Variants in KPNA7 observed in about 807,000 individuals in gnomAD.
KPNA7 encodes the protein karyopherin subunit alpha 7.
A neutral mutation model predicts 53.7 loss-of-function variants in KPNA7; 54 were observed. That is an observed-to-expected ratio of 1.01 (90% CI 0.81 to 1.26). The LOEUF (loss-of-function observed/expected upper bound fraction) is 1.26. Ranked by LOEUF, KPNA7 falls within the 50% of genes most tolerant of loss-of-function variation. The pLI is 0.00. For missense variants in KPNA7, 640 were observed against 644.5 expected, an observed-to-expected ratio of 0.99 and a Z score of 0.07; for synonymous variants, 276 against 259.3, an observed-to-expected ratio of 1.06 and a Z score of -0.62.
At chr7:99,218,394 A>G (rs1465253902) in intron 1 of KPNA7, among the ~76,000 whole-genome samples, 6 of 151,944 alleles carry the variant, frequency 3.9e-5, no homozygotes. Flanking sequence ...CAGGCCCTCT[A>G]CCTGTGAAAG....
At chr7:99,150,766 G>A in the KPNA7 span, among the ~76,000 whole-genome samples, 1 of 152,070 alleles carries the variant, frequency 6.6e-6, no homozygotes, top group African/African-American at 2.4e-5. Flanking sequence ...CCCAGCTCTT[G>A]CAAATATTCA....
chr7:99,171,054 TA>T (rs201186897), downstream of KPNA7, among the ~76,000 whole-genome samples: 2 of 151,338 alleles, frequency 1.3e-5, no homozygotes, highest in Non-Finnish European at 1.5e-5. Flanking sequence ...TCTCTACTAA[TA>T]AAAAAAATAC....
At chr7:99,196,014 G>GCGCTCCAGCCATCACTGA in intron 4 of KPNA7, 70 bp downstream of exon 4, 1 of 1,288,452 alleles carries the variant, frequency 7.8e-7, no homozygotes, top group Non-Finnish European at 1.1e-6. Flanking sequence ...TAGGCCACCG[G>GCGCTCCAGCCATCACTGA]CGCTCCAGCC....
chr7:99,188,174 C>CAA (rs59219718), intron 7 of KPNA7, 126 bp downstream of exon 7: 9,748 of 382,918 alleles, frequency 0.025, 38 homozygotes, highest in South Asian at 0.06. Flanking sequence ...GACTCTGTCT[C>CAA]AAAAAAAAAA....
upstream of KPNA7, among the ~76,000 whole-genome samples, chr7:99,210,150 CT>C (rs1349067364): frequency 6.6e-6 from 1 of 152,220 alleles, no homozygotes; most frequent in East Asian, 1.9e-4. Flanking sequence ...TCCAACAACT[CT>C]TTCCTTGATC....
chr7:99,209,231 G>T (rs528269911), upstream of KPNA7, among the ~76,000 whole-genome samples: 1 of 152,120 alleles, frequency 6.6e-6, no homozygotes, highest in East Asian at 1.9e-4. Context: ...GTGGTGAGGA[G>T]ACCCGCCAAG....
At chr7:99,198,423 A>G (rs1425963175) in intron 3 of KPNA7, among the ~76,000 whole-genome samples, 1 of 152,176 alleles carries the variant, frequency 6.6e-6, no homozygotes, top group African/African-American at 2.4e-5. Context: ...TATGGTCAAC[A>G]TATTGGTCAT....
the KPNA7 span, among the ~76,000 whole-genome samples, chr7:99,156,247 G>T: frequency 6.6e-6 from 1 of 152,064 alleles, no homozygotes; most frequent in Non-Finnish European, 1.5e-5. Flanking sequence ...TGGCTATGTG[G>T]TTCTAAATAA....
At chr7:99,159,035 G>A in the KPNA7 span, among the ~76,000 whole-genome samples, 11 of 151,810 alleles carry the variant, frequency 7.2e-5, no homozygotes, top group African/African-American at 2.7e-4. Flanking sequence ...CGGCTAACTT[G>A]TGTATTTTTA....
At chr7:99,174,977 A>G (rs1165886688) in intron 10 of KPNA7, among the ~76,000 whole-genome samples, 1 of 151,552 alleles carries the variant, frequency 6.6e-6, no homozygotes, top group Non-Finnish European at 1.5e-5. Flanking sequence ...CACCCAGCTA[A>G]TTTTTGTATT....
chr7:99,173,799 AG>A lies in KPNA7; in HGVS notation c.1465-6del. 1 of 1,500,164 alleles carries A rather than the reference AG, an allele frequency of 6.7e-7. No individual in the cohort carries two copies. The highest frequency in any genetic ancestry group is 9.1e-7 in the Non-Finnish European group (1 of 1,099,976). 92.9% of individuals were successfully genotyped at this position (1,500,164 alleles called of 1,614,324 possible). On this transcript the variant is annotated splice_region_variant and splice_polypyrimidine_tract_variant and intron_variant, in intron 10 of 10. Coordinates refer to ENST00000327442, the MANE Select transcript of KPNA7 (RefSeq NM_001145715.3). ...AGTTTGGCTCTCATCTTCTTCCTTC[AG>A]GAGAGAATAGACACTGTTATACCTC...
chr7:99,210,887 C>A (rs1791051533), upstream of KPNA7, among the ~76,000 whole-genome samples: 1 of 151,796 alleles, frequency 6.6e-6, no homozygotes, highest in South Asian at 2.1e-4. Context: ...CACCTGGCCC[C>A]AACTTTGAAT....
At chr7:99,188,249 A>G (rs1204470669) in intron 7 of KPNA7, 51 bp downstream of exon 7, 1 of 1,531,950 alleles carries the variant, frequency 6.5e-7, no homozygotes, top group African/African-American at 1.4e-5. Flanking sequence ...AACCTGCTAA[A>G]GTGACTATGA....
At chr7:99,209,083 C>T (rs980061837), upstream of KPNA7, among the ~76,000 whole-genome samples, 6 of 151,994 alleles carry the variant, frequency 3.9e-5, no homozygotes, top group South Asian at 2.1e-4. Flanking sequence ...ATCCGGGAGG[C>T]GGAGGTTGCA....
downstream of KPNA7, among the ~76,000 whole-genome samples, chr7:99,168,953 G>A (rs980900802): frequency 2.6e-5 from 4 of 152,104 alleles, no homozygotes; most frequent in East Asian, 3.9e-4. Flanking sequence ...TGGAGGCCAA[G>A]CCAAGGTGGG....
At chr7:99,205,283 C>G (rs373861589) in intron 2 of KPNA7, among the ~76,000 whole-genome samples, 1 of 148,206 alleles carries the variant, frequency 6.7e-6, no homozygotes, top group African/African-American at 2.5e-5. Flanking sequence ...AAAAATTAGC[C>G]GGGCATGGTG....
At chr7:99,146,266 G>T in the KPNA7 span, among the ~76,000 whole-genome samples, 1 of 152,064 alleles carries the variant, frequency 6.6e-6, no homozygotes, top group Non-Finnish European at 1.5e-5. Context: ...GTTCTTCGTT[G>T]GCTTGACTGT....
the KPNA7 span, among the ~76,000 whole-genome samples, chr7:99,147,526 C>G: frequency 6.6e-6 from 1 of 152,252 alleles, no homozygotes; most frequent in Admixed American, 6.5e-5. Flanking sequence ...CACAGTGGCT[C>G]ACGCCTGTAA....
At chr7:99,155,913 T>TC in the KPNA7 span, among the ~76,000 whole-genome samples, 31 of 152,198 alleles carry the variant, frequency 2.0e-4, no homozygotes, top group African/African-American at 7.0e-4. Flanking sequence ...AGCCATTCTG[T>TC]CTACTACTTG....
Sources: allele counts gnomAD v4.1 joint callset (sites outside exome capture counted in the v4.1 genomes callset), GRCh38; gene constraint gnomAD v4.1.1; transcripts MANE v1.5; gene names NCBI Gene and HGNC (gene_info 2026-07-23, HGNC 2026-07-21).